SRCAP: variants seen among roughly 807,000 people sequenced by gnomAD.
SRCAP encodes the protein chromatin remodeling protein SRCAP.
Under a neutral mutation model 263.1 loss-of-function variants are expected in SRCAP, and 46 were observed. That is an observed-to-expected ratio of 0.17 (90% confidence interval 0.14 to 0.22). The LOEUF is 0.22. Among genes scored for constraint, SRCAP ranks in the 10% least tolerant of loss-of-function variants. The pLI, the probability that SRCAP is intolerant of heterozygous loss-of-function variation, is 1.00. For synonymous variants in SRCAP, 1,813 were observed against 1,662.1 expected (o/e 1.09, Z -2.21); for missense variants, 3,695 against 4,181.9 (o/e 0.88, Z 3.21).
chr16:30,717,613 T>TTTG (rs1223995395), intron 18 of SRCAP, among the ~76,000 whole-genome samples: 1 of 140,588 alleles, frequency 7.1e-6, no homozygotes, highest in Non-Finnish European at 1.6e-5. Flanking sequence ...AGCCTGGCTT[T>TTTG]TTTTTTTTTT....
At position 30,739,508 on chromosome 16, in the gene SRCAP, C is replaced by T; in HGVS notation, c.9468C>T (p.Arg3156=). Residue 3156 remains arginine, a synonymous_variant, in exon 34 of 34, where the codon CGC becomes CGT. Coordinates refer to ENST00000262518, the MANE Select transcript of SRCAP (RefSeq NM_006662.3). ...GTCCTGGGCTGGCAAAGCGGGGCCGCCTACAGCCCCCAAGTCCCCTGGGGC... is the reference window on the plus strand; with the variant it reads ...GTCCTGGGCTGGCAAAGCGGGGCCGTCTACAGCCCCCAAGTCCCCTGGGGC... ...GGSPGLAKRG[R]LQPPSPLGPE... 3 of 1,613,174 alleles carry T rather than the reference C, an allele frequency of 1.9e-6. No homozygotes were observed. The highest frequency in any genetic ancestry group is 2.5e-6 in the Non-Finnish European group (3 of 1,179,710).
In SRCAP at chr16:30,722,611, G is replaced by A. The variant is rs1313545996; in HGVS notation, c.3755G>A (p.Ser1252Asn). The A allele has an allele frequency of 4.3e-6, 7 of 1,613,982 alleles. No homozygotes were observed. The highest frequency in any genetic ancestry group is 5.9e-6 in the Non-Finnish European group (7 of 1,180,034). Reference sequence around the variant, plus strand: ...GCAGGGGGGCAGCACCATCTCATCAGCCAGCCTGCCCATGTGGCCCTCATC... The same window carrying A: ...GCAGGGGGGCAGCACCATCTCATCAACCAGCCTGCCCATGTGGCCCTCATC... Reference protein sequence around the residue: ...VSAGGQHHLISQPAHVALIQA... With the variant: ...VSAGGQHHLINQPAHVALIQA... Residue 1252 changes from serine (S) to asparagine (N), a missense_variant, in exon 23 of 34, where the codon AGC (serine) becomes AAC (asparagine). This residue lies in a region of SRCAP where 1,347 missense variants were observed against 1,304.4 expected (regional missense o/e 1.03). Coordinates refer to ENST00000262518, the MANE Select transcript of SRCAP (RefSeq NM_006662.3).
At chr16:30,712,912 TA>T (rs1186879542) in intron 14 of SRCAP, 97 bp downstream of exon 14, 3 of 1,443,528 alleles carry the variant, frequency 2.1e-6, no homozygotes, top group East Asian at 2.5e-5. Flanking sequence ...CTTTCTTTTT[TA>T]AAAAAAATTT....
In SRCAP at chr16:30,739,450, C is replaced by T. The variant is rs916976768; in HGVS notation, c.9410C>T (p.Pro3137Leu). Residue 3137 changes from proline to leucine, a missense_variant, in exon 34 of 34, where the codon CCT (proline) becomes CTT (leucine). Pro to Leu is a moderately conservative substitution (Grantham distance 98, BLOSUM62 -3). Coordinates refer to ENST00000262518, the MANE Select transcript of SRCAP (RefSeq NM_006662.3). ...CCCCCACTAGAGACTGAGAAGTTGCCTCGCAAACGAGCAGGGGCCCCAGTT... is the reference window on the plus strand; with the variant it reads ...CCCCCACTAGAGACTGAGAAGTTGCTTCGCAAACGAGCAGGGGCCCCAGTT... ...LVPPLETEKL[P>L]RKRAGAPVGG... 1.9e-6 allele frequency: 3 copies of T among 1,614,210 alleles called. No individual in the cohort carries two copies. Among genetic ancestry groups the T allele is most frequent in the Non-Finnish European group, 1.7e-6 (2 of 1,180,034 alleles).
rs2053044605 is a variant in SRCAP at position 30,724,594 on chromosome 16, C to G, written c.5170C>G (p.Leu1724Val). 6.2e-7 allele frequency: 1 copy of G among 1,614,218 alleles called. No homozygotes were observed. The highest frequency in any genetic ancestry group is 8.5e-7 in the Non-Finnish European group (1 of 1,180,046). Residue 1724 changes from leucine to valine, a missense_variant, in exon 25 of 34, where the codon CTG becomes GTG. Around this residue, in one of 12 missense-constraint regions of SRCAP, gnomAD observed 1,347 missense variants for 1,304.4 expected, o/e 1.03. Transcript: ENST00000262518. ...ATTGTCATTAACTCCAGCATCATCC[C>G]TGGTACCAACTCCAGCCCAGACACT... is the stretch of plus-strand genomic sequence containing the variant. ...QTLSLTPASS[L>V]VPTPAQTLSL...
intron 16 of SRCAP, among the ~76,000 whole-genome samples, chr16:30,715,580 AG>A (rs2052939960): frequency 1.3e-5 from 2 of 151,526 alleles, no homozygotes; most frequent in South Asian, 2.1e-4. Context: ...AAAAAAAAAA[AG>A]AAAACAGGAA....
rs2053131375 is a variant in SRCAP, at chr16:30,733,451, T to C, written c.6297+2T>C. 1 of 1,613,992 alleles carries C rather than the reference T, an allele frequency of 6.2e-7. No homozygotes were observed. Among genetic ancestry groups the C allele is most frequent in the Non-Finnish European group, 8.5e-7 (1 of 1,180,002 alleles). ...TCTACTAGAGTTGAACAGAGACAGG[T>C]AACCCAGGTTTCTGCAGCTCTTAGA... On this transcript the variant is annotated splice_donor_variant, in intron 28 of 33. Transcript: ENST00000262518. LOFTEE classifies it high-confidence loss of function. The surrounding 1 kb of genome is among the most constrained non-coding windows in gnomAD (Gnocchi z 5.3).
intron 16 of SRCAP, among the ~76,000 whole-genome samples, chr16:30,715,564 CAAAAA>C (rs528259971): frequency 1.8e-5 from 2 of 111,736 alleles, no homozygotes; most frequent in African/African-American, 3.3e-5. Flanking sequence ...AACTTTGTAT[CAAAAA>C]AAAAAAAAAA....
In SRCAP at chr16:30,739,300, T is replaced by C. The variant is rs760610183; in HGVS notation, c.9260T>C (p.Val3087Ala). 8 of 1,613,910 alleles carry C rather than the reference T, an allele frequency of 5.0e-6. No homozygotes were observed. The East Asian group carries it at 1.8e-4, about 36-fold the overall frequency. ...RGRKSGGSMV[V>A]AVIQDDLDLA... ...CGGAAGAGTGGAGGGTCCATGGTGG[T>C]GGCTGTAATTCAGGATGACCTGGAC... The change falls in exon 34 of 34, where the codon GTG becomes GCG. Residue 3087 changes from valine (V) to alanine (A), a missense_variant. Physicochemically the swap from Val to Ala is moderately conservative, Grantham distance 64. Transcript: ENST00000262518.
chr16:30,721,014 C>G (rs1221587929), intron 20 of SRCAP, 36 bp downstream of exon 20: 1 of 1,568,428 alleles, frequency 6.4e-7, no homozygotes, highest in Non-Finnish European at 8.6e-7. Context: ...ATGCGTGGTG[C>G]TTCAGAAAGG....
In SRCAP at chr16:30,724,744, T is replaced by C. The variant is rs145751227; in HGVS notation, c.5320T>C (p.Ser1774Pro). Reference protein sequence around the residue: ...PAHTLTLAPASSSASLLAPAS... With the variant: ...PAHTLTLAPAPSSASLLAPAS... ...TCACACGCTGACTTTGGCTCCAGCATCGTCATCTGCTTCACTCCTGGCCCC... is the reference window on the plus strand; with the variant it reads ...TCACACGCTGACTTTGGCTCCAGCACCGTCATCTGCTTCACTCCTGGCCCC... The change falls in exon 25 of 34, where the codon TCG becomes CCG. Residue 1774 changes from serine to proline, a missense_variant. By Grantham distance (74) the Ser-to-Pro change is moderately conservative. This residue lies in a region of SRCAP where 1,347 missense variants were observed against 1,304.4 expected (regional missense o/e 1.03). Transcript: ENST00000262518. The C allele has an allele frequency of 1.3e-5, 21 of 1,613,874 alleles. No homozygotes were observed. The African/African-American group carries it at 2.7e-4, about 21-fold the overall frequency.
intron 23 of SRCAP, 95 bp from the exon 24 acceptor site, chr16:30,722,868 C>T (rs1442590273): frequency 1.3e-6 from 2 of 1,547,984 alleles, no homozygotes; most frequent in Non-Finnish European, 1.7e-6. Flanking sequence ...ATCTATGATA[C>T]CTGTCTGCCA....
chr16:30,720,135 A>G, intron 18 of SRCAP, 27 bp from the exon 19 acceptor site: 1 of 1,595,176 alleles, frequency 6.3e-7, no homozygotes, highest in Non-Finnish European at 8.6e-7. Flanking sequence ...GTTCTTCTTT[A>G]TGACTGTGCT....
Position 30,738,290 on chromosome 16 carries a change from G to A in SRCAP, c.8250G>A (p.Leu2750=). 2.5e-6 allele frequency: 4 copies of A among 1,600,990 alleles called. No individual in the cohort carries two copies. Among genetic ancestry groups the A allele is most frequent in the African/African-American group, 1.3e-5 (1 of 74,566 alleles). ...CAGGCCCCAAAGTGCTTCGAAAGCT[G>A]CCAGGACGGCTGGTAACTGTGGTAG... The part of the protein sequence containing the change: ...QPPGPKVLRK[L]PGRLVTVVEE... The change falls in exon 34 of 34, where the codon CTG becomes CTA. Residue 2750 remains leucine, a synonymous_variant. Coordinates refer to ENST00000262518, the MANE Select transcript of SRCAP (RefSeq NM_006662.3).
chr16:30,719,341 G>A (rs537110231), intron 18 of SRCAP, among the ~76,000 whole-genome samples: 1 of 151,192 alleles, frequency 6.6e-6, no homozygotes, highest in Non-Finnish European at 1.5e-5. Flanking sequence ...TCAGCCTCCT[G>A]AGTAGCTGGG....
Position 30,722,269 on chromosome 16 carries a change from A to G in SRCAP, c.3689A>G (p.Gln1230Arg). The G allele has an allele frequency of 6.2e-7, 1 of 1,613,910 alleles. No individual in the cohort carries two copies. The highest frequency in any genetic ancestry group is 8.5e-7 in the Non-Finnish European group (1 of 1,179,938). The stretch of plus-strand genomic sequence containing the variant: ...CAGGTGCGCCAGCTTGCTGTGGGGC[A>G]GCCCCGCCCGCTGCAAAGTAGGTAA... ...GAQVRQLAVG[Q>R]PRPLQRNVVH... Residue 1230 changes from glutamine (Q) to arginine (R), a missense_variant, in exon 22 of 34, where the codon CAG (glutamine) becomes CGG (arginine). Gln to Arg is a conservative substitution (Grantham distance 43). This residue lies in a region of SRCAP where 1,347 missense variants were observed against 1,304.4 expected (regional missense o/e 1.03). Transcript: ENST00000262518.
chr16:30,736,271 G>C lies in SRCAP; in HGVS notation c.6801G>C (p.Glu2267Asp), dbSNP rs762129782. The change falls in exon 32 of 34, where the codon GAG (glutamate) becomes GAC (aspartate). Residue 2267 changes from glutamate to aspartate, a missense_variant. Around this residue, in one of 12 missense-constraint regions of SRCAP, gnomAD observed 91 missense variants for 150.6 expected, o/e 0.60. Transcript: ENST00000262518. Reference sequence around the variant, plus strand: ...AGGCCAAGGCTGAACAGGTGGCTGAGCTTGCAGAATTTAATGAGAACGATG... The same window carrying C: ...AGGCCAAGGCTGAACAGGTGGCTGACCTTGCAGAATTTAATGAGAACGATG... ...ATQAKAEQVAELAEFNENDGF... is the reference protein window; with the variant it reads ...ATQAKAEQVADLAEFNENDGF... The C allele has an allele frequency of 3.7e-6, 6 of 1,614,194 alleles. No homozygotes were observed. In the South Asian group the frequency reaches 6.6e-5, roughly 18 times the overall value.
In SRCAP at chr16:30,736,256, T is replaced by C; in HGVS notation, c.6786T>C (p.Ala2262=). 2 of 1,614,172 alleles carry C rather than the reference T, an allele frequency of 1.2e-6. No homozygotes were observed. Among genetic ancestry groups the C allele is most frequent in the Non-Finnish European group, 1.7e-6 (2 of 1,180,048 alleles). The change falls in exon 32 of 34, where the codon GCT becomes GCC. Residue 2262 remains alanine, a synonymous_variant. Coordinates refer to ENST00000262518, the MANE Select transcript of SRCAP (RefSeq NM_006662.3). ...TCCGTGCAGCCACCCAGGCCAAGGC[T>C]GAACAGGTGGCTGAGCTTGCAGAAT... ...EDIRAATQAK[A]EQVAELAEFN...
intron 4 of SRCAP, among the ~76,000 whole-genome samples, chr16:30,705,648 C>T (rs1397800196): frequency 1.3e-5 from 2 of 151,230 alleles, no homozygotes; most frequent in Non-Finnish European, 2.9e-5. Flanking sequence ...ATCTGCCAGC[C>T]TCGGCCTCTG....
Sources: allele counts gnomAD v4.1 joint callset (sites outside exome capture counted in the v4.1 genomes callset), GRCh38; gene constraint gnomAD v4.1.1; regional missense constraint gnomAD v4.1.1; non-coding constraint Gnocchi (gnomAD v3.1); transcripts MANE v1.5; gene names NCBI Gene and HGNC (gene_info 2026-07-23, HGNC 2026-07-21).